The following KAZN variants were observed in gnomAD, a reference collection of about 807,000 sequenced individuals.
KAZN encodes kazrin, periplakin interacting protein.
Under a neutral mutation model 87.4 loss-of-function variants are expected in KAZN, and 40 were observed. The observed-to-expected ratio is 0.46, with a 90% CI of 0.36 to 0.60. The LOEUF (loss-of-function observed/expected upper bound fraction) is 0.60, where lower values mean the gene tolerates loss of function less well. Ranked by LOEUF, KAZN falls within the 20% of genes least tolerant of loss-of-function variation. The pLI is 0.00. For missense variants in KAZN, 898 were observed against 1,073.9 expected (o/e 0.84, Z 2.29); for synonymous variants, 466 against 458.3 (o/e 1.02, Z -0.22).
chr1:15,110,006 GTGTA>G (rs1266106407), intron 13 of KAZN, among the ~76,000 whole-genome samples: 2 of 141,692 alleles, frequency 1.4e-5, no homozygotes, highest in Non-Finnish European at 3.1e-5. Context: ...TATGTGTGTT[GTGTA>G]TGTATGTGTA....
intron 2 of KAZN, among the ~76,000 whole-genome samples, chr1:15,025,750 TTCCAGGTCAG>T (rs1352843325): frequency 2.6e-5 from 4 of 152,152 alleles, no homozygotes; most frequent in Non-Finnish European, 5.9e-5. Context: ...TGGGATCAAG[TTCCAGGTCAG>T]CCACTTGTTG....
intron 1 of KAZN, among the ~76,000 whole-genome samples, chr1:14,691,847 T>G (rs1641330544): frequency 6.6e-6 from 1 of 151,966 alleles, no homozygotes; most frequent in Non-Finnish European, 1.5e-5. Flanking sequence ...TCACCTGCTC[T>G]CCATCCAGCA....
intron 2 of KAZN, among the ~76,000 whole-genome samples, chr1:14,371,565 G>A (rs1238202849): frequency 6.6e-6 from 1 of 152,008 alleles, no homozygotes; most frequent in Non-Finnish European, 1.5e-5. Context: ...GAGGCTGAGT[G>A]TCTAAAGAAG....
intron 2 of KAZN, 104 bp downstream of exon 2, chr1:14,960,979 C>T: frequency 1.7e-6 from 2 of 1,204,864 alleles, no homozygotes; most frequent in South Asian, 3.2e-5. Context: ...ACAGGGGTCT[C>T]CCAGCACCCA....
chr1:14,354,418 C>T (rs1419843312), intron 2 of KAZN, among the ~76,000 whole-genome samples: 1 of 152,018 alleles, frequency 6.6e-6, no homozygotes, highest in Admixed American at 6.6e-5. Flanking sequence ...CTACATCCAA[C>T]AAAGAATTTG....
chr1:14,478,985 A>G (rs1440541321), intron 2 of KAZN, among the ~76,000 whole-genome samples: 1 of 152,262 alleles, frequency 6.6e-6, no homozygotes, highest in African/African-American at 2.4e-5. Flanking sequence ...GTTATGGGCA[A>G]CTGGGAGTTG....
At chr1:14,257,350 A>G (rs977316158) in intron 2 of KAZN, among the ~76,000 whole-genome samples, 1 of 143,746 alleles carries the variant, frequency 7.0e-6, no homozygotes, top group African/African-American at 2.6e-5. Flanking sequence ...GTTTGAGTTC[A>G]TTGTAGATTC....
intron 2 of KAZN, among the ~76,000 whole-genome samples, chr1:14,334,407 T>C (rs1233861879): frequency 2.4e-5 from 3 of 125,060 alleles, no homozygotes; most frequent in Non-Finnish European, 3.3e-5. Context: ...GGGAAGGCAG[T>C]GGTGGTCAGG....
At chr1:14,011,726 T>C (rs1640322182) in intron 1 of KAZN, among the ~76,000 whole-genome samples, 1 of 152,204 alleles carries the variant, frequency 6.6e-6, no homozygotes, top group African/African-American at 2.4e-5. Flanking sequence ...AGCCTCAGTA[T>C]TTCATTTCTG....
chr1:14,082,190 C>A (rs1643700550), intron 1 of KAZN, among the ~76,000 whole-genome samples: 1 of 152,144 alleles, frequency 6.6e-6, no homozygotes, highest in Non-Finnish European at 1.5e-5. Context: ...TGTATTTATT[C>A]TCTTCTAAGT....
At chr1:14,278,017 C>G (rs1465517317) in intron 2 of KAZN, among the ~76,000 whole-genome samples, 1 of 151,366 alleles carries the variant, frequency 6.6e-6, no homozygotes, top group Non-Finnish European at 1.5e-5. Flanking sequence ...CTGGTCTCAT[C>G]AGGGTCATGT....
At chr1:14,595,333 T>A (rs1676425733), upstream of KAZN, among the ~76,000 whole-genome samples, 1 of 152,104 alleles carries the variant, frequency 6.6e-6, no homozygotes, top group Non-Finnish European at 1.5e-5. Flanking sequence ...AGCAACCGTT[T>A]TGTTCCTTGA....
intron 1 of KAZN, among the ~76,000 whole-genome samples, chr1:14,106,838 G>A (rs1018632359): frequency 5.3e-5 from 8 of 152,280 alleles, no homozygotes; most frequent in Middle Eastern, 3.4e-3. Context: ...TTTTATGTAT[G>A]TGCTTGGCTG....
At chr1:14,370,360 T>A (rs1356035791) in intron 2 of KAZN, among the ~76,000 whole-genome samples, 2 of 152,176 alleles carry the variant, frequency 1.3e-5, no homozygotes, top group Non-Finnish European at 2.9e-5. Context: ...GTTCAGTGAG[T>A]GTGGCCACCC....
intron 1 of KAZN, among the ~76,000 whole-genome samples, chr1:14,843,769 C>CTG (rs1450697662): frequency 3.3e-5 from 5 of 152,232 alleles, no homozygotes; most frequent in Non-Finnish European, 7.3e-5. Context: ...GTCCTCGTCT[C>CTG]TTCACAGACA....
At chr1:14,524,457 C>T (rs1557776536) in intron 2 of KAZN, among the ~76,000 whole-genome samples, 1 of 152,170 alleles carries the variant, frequency 6.6e-6, no homozygotes, top group Admixed American at 6.6e-5. Context: ...AGCCCACTCC[C>T]CCGTCTCATT....
chr1:14,846,681 T>G (rs930323199), intron 1 of KAZN, among the ~76,000 whole-genome samples: 2 of 152,168 alleles, frequency 1.3e-5, no homozygotes, highest in African/African-American at 4.8e-5. Context: ...ACCATGACCT[T>G]GAGAATCAGG....
At chr1:14,165,447 AG>A (rs573874651) in intron 1 of KAZN, among the ~76,000 whole-genome samples, 100 of 152,238 alleles carry the variant, frequency 6.6e-4, no homozygotes, top group African/African-American at 2.2e-3. Context: ...AACTGCTGGC[AG>A]TGAGCCTCCT....
At chr1:14,361,009 A>G (rs1571392175) in intron 2 of KAZN, among the ~76,000 whole-genome samples, 1 of 152,320 alleles carries the variant, frequency 6.6e-6, no homozygotes, top group African/African-American at 2.4e-5. Flanking sequence ...AGCAGGCAGG[A>G]ATGTTTAAGT....
Sources: allele counts gnomAD v4.1 joint callset (sites outside exome capture counted in the v4.1 genomes callset), GRCh38; gene constraint gnomAD v4.1.1; transcripts MANE v1.5; gene names NCBI Gene and HGNC (gene_info 2026-07-23, HGNC 2026-07-21).